INTS1: variants seen among roughly 807,000 people sequenced by gnomAD.
INTS1 encodes the protein integrator complex subunit 1.
Under a neutral mutation model 241.6 loss-of-function variants are expected in INTS1, and 137 were observed. The observed-to-expected ratio is 0.57, with a 90% CI of 0.49 to 0.65. INTS1 has a LOEUF of 0.65. Among genes scored for constraint, INTS1 ranks in the 30% least tolerant of loss-of-function variants. The pLI is 0.00. For synonymous variants in INTS1, 1,692 were observed against 1,337.8 expected (o/e 1.26, Z -5.78); for missense variants, 3,073 against 3,032.2 (o/e 1.01, Z -0.32).
Position 1,477,654 on chromosome 7 carries a change from C to T in INTS1, c.4834G>A (p.Gly1612Arg). Residue 1612 changes from glycine (G) to arginine (R), a missense_variant, in exon 35 of 48, where the codon GGG becomes AGG. Physicochemically the swap from Gly to Arg is moderately radical, Grantham distance 125. Coordinates refer to ENST00000404767, the MANE Select transcript of INTS1 (RefSeq NM_001080453.3). ...TCCACTAGGAGGCCTGACGAGGGCC[C>T]CAGCCGCACGGCCTCCAGGCTGCAG... is the stretch of plus-strand genomic sequence containing the variant. ...DGGSLEAVRL[G>R]PSSGLLVDWL... The T allele has an allele frequency of 6.3e-7, 1 of 1,593,924 alleles. No individual in the cohort carries two copies. Among genetic ancestry groups the T allele is most frequent in the Non-Finnish European group, 8.5e-7 (1 of 1,170,916 alleles).
Position 1,470,930 on chromosome 7 carries a change from A to C in INTS1, c.6373T>G (p.Phe2125Val). Reference protein sequence around the residue: ...PSIAAAFLPTFMYCLGSQDFE... With the variant: ...PSIAAAFLPTVMYCLGSQDFE... ...TCCTGGCTGCCCAGGCAGTACATGA[A>C]CGTGGGCAGGAAAGCGGCTGCAATG... The change falls in exon 47 of 48, where the codon TTC becomes GTC. Residue 2125 changes from phenylalanine (F) to valine (V), a missense_variant. By Grantham distance (50) the Phe-to-Val change is conservative (BLOSUM62 -1). Coordinates refer to ENST00000404767, the MANE Select transcript of INTS1 (RefSeq NM_001080453.3). The C allele has an allele frequency of 6.3e-7, 1 of 1,577,690 alleles. No homozygotes were observed. Among genetic ancestry groups the C allele is most frequent in the South Asian group, 1.2e-5 (1 of 86,282 alleles).
chr7:1,503,049 A>C lies in INTS1; in HGVS notation c.201T>G (p.Ser67Arg). 6.2e-7 allele frequency: 1 copy of C among 1,613,582 alleles called. No individual in the cohort carries two copies. The highest frequency in any genetic ancestry group is 1.1e-5 in the South Asian group (1 of 91,078). ...RKRDAAAALS[S>R]ASALTGLTKR... ...TGGTGAGACCGGTGAGGGCCGAGGC[A>C]CTGGACAACGCGGCCGCCGCATCCC... Residue 67 changes from serine to arginine, a missense_variant, in exon 3 of 48, where the codon AGT (serine) becomes AGG (arginine). Transcript: ENST00000404767.
chr7:1,500,325 G>C lies in INTS1; in HGVS notation c.391C>G (p.Leu131Val), dbSNP rs1251165778. ...VLLDEIEAAE[L>V]EGNDDRIEGV... ...TCGATCCTGTCATCGTTGCCCTCCAGCTCGGCCGCCTCGATCTCATCCAGC... is the reference window on the plus strand; with the variant it reads ...TCGATCCTGTCATCGTTGCCCTCCACCTCGGCCGCCTCGATCTCATCCAGC... The change falls in exon 4 of 48, where the codon CTG becomes GTG. Residue 131 changes from leucine (L) to valine (V), a missense_variant. Leu to Val is a conservative substitution (Grantham distance 32). Transcript: ENST00000404767. The C allele has an allele frequency of 1.9e-6, 3 of 1,589,744 alleles. No homozygotes were observed. Among genetic ancestry groups the C allele is most frequent in the Non-Finnish European group, 2.6e-6 (3 of 1,166,484 alleles).
At chr7:1,470,729 C>T in intron 47 of INTS1, 37 bp from the exon 48 acceptor site, 1 of 1,498,464 alleles carries the variant, frequency 6.7e-7, no homozygotes. Flanking sequence ...TCACGCTGGC[C>T]ACAACATCCT....
At chr7:1,482,841 T>A (rs1461495272) in intron 26 of INTS1, 134 bp from the exon 27 acceptor site, 1 of 1,045,970 alleles carries the variant, frequency 9.6e-7, no homozygotes, top group East Asian at 2.4e-5. Flanking sequence ...GGGGCTCCTG[T>A]GCTAGGTGAG....
At chr7:1,479,377 G>C in intron 31 of INTS1, 53 bp downstream of exon 31, 4 of 1,528,398 alleles carry the variant, frequency 2.6e-6, no homozygotes, top group Non-Finnish European at 2.6e-6. Context: ...CGTCCTGCGG[G>C]AGGCAGAGCC....
rs917601367 is a variant in INTS1 at position 1,504,091 on chromosome 7, G to A, written c.-41-90C>T. Reference sequence around the variant, plus strand: ...CCTTGCCGCACGGGGCTTGGGCCTGGGACCCGGGGACAGTGGTCCCGCGCC... The same window carrying A: ...CCTTGCCGCACGGGGCTTGGGCCTGAGACCCGGGGACAGTGGTCCCGCGCC... On this transcript the variant is annotated intron_variant, in intron 1 of 47. Coordinates refer to ENST00000404767, the MANE Select transcript of INTS1 (RefSeq NM_001080453.3). 6 of 691,096 alleles carry A rather than the reference G, an allele frequency of 8.7e-6. No individual in the cohort carries two copies. In the Admixed American group the frequency reaches 1.0e-4, roughly 12 times the overall value. The allele number at this position is 691,096 out of a possible 1,614,324, so 42.8% of individuals were successfully genotyped here.
At chr7:1,492,303 A>T (rs1782591757) in intron 16 of INTS1, among the ~76,000 whole-genome samples, 1 of 152,096 alleles carries the variant, frequency 6.6e-6, no homozygotes, top group African/African-American at 2.4e-5. Context: ...AGCACAGGTG[A>T]CCCCGGAAAG....
intron 11 of INTS1, among the ~76,000 whole-genome samples, chr7:1,496,511 G>A (rs999771894): frequency 2.0e-5 from 3 of 152,056 alleles, no homozygotes; most frequent in Non-Finnish European, 4.4e-5. Context: ...CCACAAACAC[G>A]TGGGTGCAGC....
In INTS1 at chr7:1,481,244, G is replaced by T; in HGVS notation, c.3850+98C>A. On this transcript the variant is annotated intron_variant, in intron 28 of 47. Transcript: ENST00000404767. The surrounding 1 kb of genome is among the most constrained non-coding windows in gnomAD (Gnocchi z 6.8). The stretch of plus-strand genomic sequence containing the variant: ...GTGCCACCCACACCCACCCGACCTC[G>T]GATCACCCACCCGCTCGCACCCAGG... 7.1e-7 allele frequency: 1 copy of T among 1,411,674 alleles called. No individual in the cohort carries two copies. The highest frequency in any genetic ancestry group is 9.8e-7 in the Non-Finnish European group (1 of 1,016,798). The allele number at this position is 1,411,674 out of a possible 1,614,324, so 87.4% of individuals were successfully genotyped here. A position where few individuals can be genotyped will look rare whatever the true frequency, so the allele number is the denominator to read the frequency against.
rs1781975612 is a variant in INTS1 at position 1,481,171 on chromosome 7, C to G, written c.3850+171G>C. 1.2e-6 allele frequency: 1 copy of G among 834,656 alleles called. No individual in the cohort carries two copies. The highest frequency in any genetic ancestry group is 2.0e-5 in the Admixed American group (1 of 49,514). The allele number at this position is 834,656 out of a possible 1,614,324, so 51.7% of individuals were successfully genotyped here. ...GGGCAGGCCCAGGCCTCGGCTCCCT[C>G]CTGACTGTGCCAGCCTCACCAACCC... On this transcript the variant is annotated intron_variant, in intron 28 of 47. Coordinates refer to ENST00000404767, the MANE Select transcript of INTS1 (RefSeq NM_001080453.3). This position sits in a 1 kb window ranked among gnomAD's most constrained non-coding sequence, Gnocchi z 6.8.
At chr7:1,473,778 C>G in intron 41 of INTS1, 85 bp from the exon 42 acceptor site, 1 of 1,542,936 alleles carries the variant, frequency 6.5e-7, no homozygotes, top group Non-Finnish European at 8.8e-7. Context: ...CCCAGAGCCT[C>G]AGGGCATGGA....
At position 1,502,937 on chromosome 7, in the gene INTS1, G is replaced by C; in HGVS notation, c.313C>G (p.Pro105Ala). 6.2e-7 allele frequency: 1 copy of C among 1,613,848 alleles called. No individual in the cohort carries two copies. ...ACCACAGATGGCTCTTTAATCGACG[G>C]AGAAATGGCTCGTTTTTCTGCCACT... ...AAVAEKRAIS[P>A]SIKEPSVVPI... Residue 105 changes from proline (P) to alanine (A), a missense_variant, in exon 3 of 48, where the codon CCG becomes GCG. Coordinates refer to ENST00000404767, the MANE Select transcript of INTS1 (RefSeq NM_001080453.3).
rs370191709 is a variant in INTS1 at position 1,486,988 on chromosome 7, G to A, written c.2760C>T (p.Asp920=). The stretch of plus-strand genomic sequence containing the variant: ...CGTCCTCCTCCCCGGAAGCAGCATC[G>A]TCCACAGCATCGTGCAGCAGGAACT... ...LCEFLLHDAV[D]DAASGEEDDE... is the part of the protein sequence containing the mutation. Residue 920 remains aspartate (D), a synonymous_variant, in exon 21 of 48, where the codon GAC becomes GAT. Transcript: ENST00000404767. 18 of 1,607,988 alleles carry A rather than the reference G, an allele frequency of 1.1e-5. No individual in the cohort carries two copies. The highest frequency in any genetic ancestry group is 4.5e-5 in the East Asian group (2 of 44,822).
chr7:1,479,247 G>C lies in INTS1; in HGVS notation c.4329+183C>G, dbSNP rs146622341. Among the ~76,000 whole-genome samples the C allele has an allele frequency of 1.1e-3, 168 of 152,354 alleles. 1 individual carries two copies. The highest frequency in any genetic ancestry group is 3.8e-3 in the African/African-American group (157 of 41,590). ...GGACGCCGCACTGCCCCCACCTCCCGTCCCGGGGGAATGTTCACTGGAAAA... is the reference window on the plus strand; with the variant it reads ...GGACGCCGCACTGCCCCCACCTCCCCTCCCGGGGGAATGTTCACTGGAAAA... On this transcript the variant is annotated intron_variant, in intron 31 of 47. Transcript: ENST00000404767.
In INTS1 at chr7:1,481,056, G is replaced by A. The variant is rs1190234542; in HGVS notation, c.3851-123C>T. On this transcript the variant is annotated intron_variant, in intron 28 of 47. Coordinates refer to ENST00000404767, the MANE Select transcript of INTS1 (RefSeq NM_001080453.3). The surrounding 1 kb of genome is among the most constrained non-coding windows in gnomAD (Gnocchi z 6.8). ...TCACCAGCACTTCCCAAGGACTTCA[G>A]AAGCTGGGTGAGCTCAGTCAGCACT... The A allele has an allele frequency of 1.3e-6, 1 of 752,728 alleles. No individual in the cohort carries two copies. Among genetic ancestry groups the A allele is most frequent in the African/African-American group, 1.7e-5 (1 of 57,558 alleles). 46.6% of individuals were successfully genotyped at this position (752,728 alleles called of 1,614,324 possible). A position where few individuals can be genotyped will look rare whatever the true frequency, so the allele number is the denominator to read the frequency against.
chr7:1,480,174 G>A (rs780098414), intron 30 of INTS1, 143 bp downstream of exon 30: 55 of 959,778 alleles, frequency 5.7e-5, no homozygotes, highest in Admixed American at 1.1e-4. Context: ...GCGGTCACGC[G>A]TGTAAAGGCC....
intron 7 of INTS1, 42 bp from the exon 8 acceptor site, chr7:1,499,203 G>A (rs773608154): frequency 1.1e-5 from 18 of 1,603,816 alleles, no homozygotes; most frequent in African/African-American, 4.0e-5. Context: ...AGGTGGCCCC[G>A]AGGCGCCCGC....
chr7:1,478,589 A>C, intron 32 of INTS1, 83 bp from the exon 33 acceptor site: 1 of 1,534,932 alleles, frequency 6.5e-7, no homozygotes, highest in South Asian at 1.2e-5. Flanking sequence ...CCACGGTAGA[A>C]GGGCTCCCCT....
Sources: allele counts gnomAD v4.1 joint callset (sites outside exome capture counted in the v4.1 genomes callset), GRCh38; gene constraint gnomAD v4.1.1; non-coding constraint Gnocchi (gnomAD v3.1); transcripts MANE v1.5; gene names NCBI Gene and HGNC (gene_info 2026-07-23, HGNC 2026-07-21).